PHLDB2: variants seen among roughly 807,000 people sequenced by gnomAD.
PHLDB2 encodes pleckstrin homology like domain family B member 2, also known as pleckstrin homology-like domain family B member 2.
A neutral mutation model predicts 123.6 loss-of-function variants in PHLDB2; 71 were observed. That is an observed-to-expected ratio of 0.57 (90% CI 0.47 to 0.70). The LOEUF (loss-of-function observed/expected upper bound fraction) is 0.70, where lower values mean the gene tolerates loss of function less well. Among genes scored for constraint, PHLDB2 ranks in the 30% least tolerant of loss-of-function variants. The pLI, the probability that PHLDB2 is intolerant of heterozygous loss-of-function variation, is 0.00. For missense variants in PHLDB2, 1,446 were observed against 1,519.5 expected, an observed-to-expected ratio of 0.95 and a Z score of 0.80; for synonymous variants, 547 against 541.6, an observed-to-expected ratio of 1.01 and a Z score of -0.14.
chr3:111,903,919 A>G (rs1270873189), intron 2 of PHLDB2, among the ~76,000 whole-genome samples: 2 of 152,170 alleles, frequency 1.3e-5, no homozygotes, highest in African/African-American at 4.8e-5. Flanking sequence ...TATAGGTCTG[A>G]TAAGTGCCAG....
intron 2 of PHLDB2, chr3:111,885,710 T>G: frequency 1.6e-6 from 1 of 617,456 alleles, no homozygotes. Context: ...TTATGAAATT[T>G]CTGAGTCTTA....
At chr3:111,871,493 C>CA (rs373679896) in intron 1 of PHLDB2, among the ~76,000 whole-genome samples, 26,860 of 140,720 alleles carry the variant, frequency 0.19, 2,436 homozygotes, top group African/African-American at 0.21. Flanking sequence ...ACAAAAAGTA[C>CA]AAAAAAAAAA....
intron 6 of PHLDB2, among the ~76,000 whole-genome samples, chr3:111,936,003 A>G (rs535542413): frequency 1.3e-5 from 2 of 152,214 alleles, no homozygotes; most frequent in Non-Finnish European, 2.9e-5. Flanking sequence ...GTATGTAGTT[A>G]AAGTGTAAAA....
intron 1 of PHLDB2, among the ~76,000 whole-genome samples, chr3:111,781,432 T>A (rs114139522): frequency 2.8e-3 from 430 of 152,150 alleles, no homozygotes; most frequent in Non-Finnish European, 5.4e-3. Context: ...CCCTCCTGAG[T>A]CAGGATTGCC....
chr3:111,955,872 GA>G (rs1303516470), intron 12 of PHLDB2, among the ~76,000 whole-genome samples: 4 of 152,214 alleles, frequency 2.6e-5, no homozygotes, highest in African/African-American at 9.6e-5. Flanking sequence ...ATTTGGGAAA[GA>G]GGGTGGGATC....
chr3:111,881,031 G>A (rs2065904703), intron 1 of PHLDB2, among the ~76,000 whole-genome samples: 1 of 152,138 alleles, frequency 6.6e-6, no homozygotes, highest in Non-Finnish European at 1.5e-5. Context: ...TCTTATTAGA[G>A]TCTATAGGTA....
chr3:111,855,629 C>CT (rs11368889), upstream of PHLDB2, among the ~76,000 whole-genome samples: 33,985 of 78,054 alleles, frequency 0.44, 6,291 homozygotes, highest in Middle Eastern at 0.59. Flanking sequence ...CTGCATTTGT[C>CT]TTTTTTTTTT....
chr3:111,793,911 T>C (rs1017011084), intron 1 of PHLDB2, among the ~76,000 whole-genome samples: 36 of 151,020 alleles, frequency 2.4e-4, no homozygotes, highest in African/African-American at 8.8e-4. Context: ...TCCTCTTTAG[T>C]CTCCCCTATC....
chr3:111,741,622 A>T (rs1295298955), intron 1 of PHLDB2, among the ~76,000 whole-genome samples: 1 of 152,196 alleles, frequency 6.6e-6, no homozygotes, highest in Admixed American at 6.6e-5. Flanking sequence ...TTTTGCAACA[A>T]GAAAAATCCT....
chr3:111,962,113 AATC>A lies in PHLDB2; in HGVS notation c.2880_2882del (p.His961del). The A allele has an allele frequency of 6.3e-7, 1 of 1,577,276 alleles. No homozygotes were observed. The highest frequency in any genetic ancestry group is 8.5e-7 in the Non-Finnish European group (1 of 1,170,176). ...ATTTATGGCTCCTTCCTTAGGTTAT[AATC>A]ACCAACAGATGAGTGAAGGACACAG... On this transcript the variant is annotated inframe_deletion, in exon 13 of 18. Coordinates refer to ENST00000431670, the MANE Select transcript of PHLDB2 (RefSeq NM_001134438.2).
At chr3:111,911,940 A>C (rs16858828) in intron 2 of PHLDB2, among the ~76,000 whole-genome samples, 25,339 of 152,228 alleles carry the variant, frequency 0.17, 2,374 homozygotes, top group African/African-American at 0.19. Flanking sequence ...CAACTAATAA[A>C]GAGCTAATTG....
At chr3:111,953,290 C>T (rs901168097) in intron 11 of PHLDB2, among the ~76,000 whole-genome samples, 5 of 152,180 alleles carry the variant, frequency 3.3e-5, no homozygotes, top group East Asian at 1.9e-4. Flanking sequence ...CAGGTTCTGC[C>T]GACATGCCTG....
intron 13 of PHLDB2, among the ~76,000 whole-genome samples, chr3:111,965,684 G>A (rs1329837550): frequency 1.3e-5 from 2 of 152,128 alleles, no homozygotes; most frequent in Non-Finnish European, 2.9e-5. Flanking sequence ...GTACTTAAAT[G>A]AGTACAAAAG....
intron 2 of PHLDB2, among the ~76,000 whole-genome samples, chr3:111,850,601 A>C (rs1244584094): frequency 6.6e-6 from 1 of 152,168 alleles, no homozygotes. Flanking sequence ...TCCCATCTCT[A>C]CAAAAAAATT....
intron 1 of PHLDB2, among the ~76,000 whole-genome samples, chr3:111,803,964 T>C (rs1184515740): frequency 6.6e-6 from 1 of 152,142 alleles, no homozygotes; most frequent in Non-Finnish European, 1.5e-5. Context: ...GTTGAAAACG[T>C]CCTGTTTGAT....
intron 1 of PHLDB2, among the ~76,000 whole-genome samples, chr3:111,757,626 T>A (rs2059917873): frequency 6.6e-6 from 1 of 152,254 alleles, no homozygotes; most frequent in South Asian, 2.1e-4. Context: ...GGAGCTGCGT[T>A]CCTCTGGAGG....
chr3:111,834,288 A>G (rs2063293485), intron 1 of PHLDB2, among the ~76,000 whole-genome samples: 1 of 135,698 alleles, frequency 7.4e-6, no homozygotes, highest in Non-Finnish European at 1.5e-5. Context: ...ATATAATTCT[A>G]TTATATACAT....
intron 10 of PHLDB2, chr3:111,949,749 T>C: frequency 9.1e-6 from 9 of 985,894 alleles, no homozygotes; most frequent in Non-Finnish European, 1.1e-5. Context: ...CCGCTCTTTC[T>C]CCTCATCCTA....
intron 1 of PHLDB2, among the ~76,000 whole-genome samples, chr3:111,757,166 T>G (rs1402705677): frequency 2.6e-5 from 4 of 152,216 alleles, no homozygotes; most frequent in Non-Finnish European, 4.4e-5. Context: ...TGTGGAGTTC[T>G]CTGTATTTCC....
Sources: gnomAD v4.1 joint callset for allele counts (sites outside exome capture counted in the v4.1 genomes callset) on GRCh38, gnomAD v4.1.1 for gene constraint, MANE v1.5 for transcripts, NCBI Gene and HGNC (gene_info 2026-07-23, HGNC 2026-07-21) for gene names.